FANCA: variants seen among roughly 807,000 people sequenced by gnomAD.
FANCA encodes the protein FA complementation group A.
Under a neutral mutation model 194.3 loss-of-function variants are expected in FANCA, and 236 were observed. The ratio of observed to expected loss-of-function variants is 1.21; its 90% CI spans 1.09 to 1.35. FANCA has a LOEUF of 1.35. Ranked by LOEUF, FANCA falls within the 40% of genes most tolerant of loss-of-function variation. FANCA has a pLI of 0.00. For missense variants in FANCA, 2,628 were observed against 1,813.9 expected (o/e 1.45, Z -8.15); for synonymous variants, 1,014 against 715.8 (o/e 1.42, Z -6.65).
intron 19 of FANCA, 21 bp downstream of exon 19, chr16:89,778,922 C>G (rs761388525): frequency 6.2e-7 from 1 of 1,614,112 alleles, no homozygotes; most frequent in South Asian, 1.1e-5. Context: ...TGGTCACAAA[C>G]TCATGGAGAC....
intron 21 of FANCA, among the ~76,000 whole-genome samples, chr16:89,774,270 A>G (rs915327466): frequency 6.6e-6 from 1 of 152,164 alleles, no homozygotes; most frequent in Admixed American, 6.6e-5. Flanking sequence ...ACAAATGATT[A>G]GAAACCATTC....
chr16:89,742,208 A>G (rs1420719128), intron 37 of FANCA, among the ~76,000 whole-genome samples: 1 of 151,990 alleles, frequency 6.6e-6, no homozygotes, highest in Non-Finnish European at 1.5e-5. Context: ...AACTCCTGAC[A>G]CCAAGTGATC....
At chr16:89,787,549 A>T (rs184497125) in intron 14 of FANCA, among the ~76,000 whole-genome samples, 1 of 152,064 alleles carries the variant, frequency 6.6e-6, no homozygotes, top group Non-Finnish European at 1.5e-5. Flanking sequence ...CCAGGGCAAC[A>T]TAGTGAGACA....
chr16:89,799,484 G>A, intron 9 of FANCA, 121 bp downstream of exon 9: 1 of 1,069,562 alleles, frequency 9.3e-7, no homozygotes, highest in South Asian at 1.3e-5. Flanking sequence ...CCAGTACCAG[G>A]ACTCTGCACA....
chr16:89,792,177 C>T, intron 12 of FANCA, 109 bp from the exon 13 acceptor site: 2 of 1,294,812 alleles, frequency 1.5e-6, no homozygotes, highest in Admixed American at 3.4e-5. Context: ...TCACTTCCCA[C>T]TGCAAAGGTA....
At chr16:89,808,745 G>A (rs916243294) in intron 5 of FANCA, among the ~76,000 whole-genome samples, 1 of 152,138 alleles carries the variant, frequency 6.6e-6, no homozygotes, top group Admixed American at 6.6e-5. Context: ...CAGGACAAAG[G>A]TCAGGCTTCA....
chr16:89,803,663 G>C (rs1018905389), intron 7 of FANCA, among the ~76,000 whole-genome samples: 1 of 145,760 alleles, frequency 6.9e-6, no homozygotes, highest in African/African-American at 2.6e-5. Context: ...TTGCTCTGTC[G>C]CCTGGGCTTG....
chr16:89,783,299 C>T (rs540724057), intron 15 of FANCA, among the ~76,000 whole-genome samples, 197 bp from the exon 16 acceptor site: 122 of 152,200 alleles, frequency 8.0e-4, no homozygotes, highest in African/African-American at 2.9e-3. Context: ...ACCTGTAATC[C>T]CAGCACTTTG....
intron 23 of FANCA, 81 bp downstream of exon 23, chr16:89,771,597 A>C (rs964883003): frequency 6.6e-7 from 1 of 1,514,336 alleles, no homozygotes. Context: ...AGAAATTGAG[A>C]GAAGGCTCCA....
intron 22 of FANCA, among the ~76,000 whole-genome samples, chr16:89,772,746 G>A (rs542919668): frequency 1.4e-5 from 2 of 147,774 alleles, no homozygotes; most frequent in East Asian, 4.1e-4. Flanking sequence ...TTGAACCCAG[G>A]AGGCGGAGGT....
chr16:89,772,851 C>G (rs1018630845), intron 22 of FANCA, among the ~76,000 whole-genome samples: 4 of 151,804 alleles, frequency 2.6e-5, no homozygotes, highest in Admixed American at 2.0e-4. Flanking sequence ...ACTGCATGTT[C>G]TCAATCCACA....
intron 37 of FANCA, among the ~76,000 whole-genome samples, chr16:89,742,004 C>G (rs34645134): frequency 0.016 from 2,392 of 151,696 alleles, 40 homozygotes; most frequent in South Asian, 0.093. Flanking sequence ...CTCGCTCTGT[C>G]ACCCAGACTG....
At chr16:89,755,872 C>T (rs1265702546) in intron 30 of FANCA, among the ~76,000 whole-genome samples, 2 of 149,264 alleles carry the variant, frequency 1.3e-5, no homozygotes, top group African/African-American at 2.5e-5. Context: ...ACCGCACAGA[C>T]ACAGACCGGA....
intron 10 of FANCA, 159 bp downstream of exon 10, chr16:89,799,007 A>T: frequency 1.2e-6 from 2 of 1,614,094 alleles, no homozygotes. Context: ...GGGCTTTCCC[A>T]TGGTCGCCTC....
chr16:89,785,559 G>A (rs1480971459), intron 14 of FANCA, among the ~76,000 whole-genome samples: 1 of 152,222 alleles, frequency 6.6e-6, no homozygotes, highest in Admixed American at 6.6e-5. Flanking sequence ...AACCCTCCCA[G>A]GAACGAAGGG....
At chr16:89,811,182 G>A (rs1051078259) in intron 3 of FANCA, 111 bp from the exon 4 acceptor site, 1 of 1,428,082 alleles carries the variant, frequency 7.0e-7, no homozygotes, top group Non-Finnish European at 9.7e-7. Context: ...AAAAAAAATT[G>A]CCTTTTAAAC....
chr16:89,744,269 C>CTA (rs2143078699), intron 36 of FANCA, among the ~76,000 whole-genome samples: 1 of 152,296 alleles, frequency 6.6e-6, no homozygotes, highest in Non-Finnish European at 1.5e-5. Context: ...TGATTCAAAA[C>CTA]TAGTCACAAA....
At chr16:89,767,272 C>T in intron 26 of FANCA, 35 bp from the exon 27 acceptor site, 7 of 1,443,560 alleles carry the variant, frequency 4.8e-6, no homozygotes, top group Non-Finnish European at 4.9e-6. Flanking sequence ...AAATGTAATC[C>T]ATACAAAATA....
Position 89,749,787 on chromosome 16 carries a change from C to T in FANCA, c.3182G>A (p.Ser1061Asn), listed in dbSNP as rs2038517841. Residue 1061 changes from serine (S) to asparagine (N), a missense_variant, in exon 32 of 43, where the codon AGC becomes AAC. Transcript: ENST00000389301. ...AAGGCTGGCAGCCACGCTCCACCCG[C>T]TTGTCAGAGCCTGGAGCCGTCTGCG... The part of the protein sequence containing the change: ...IFRRRLQALT[S>N]GWSVAASLQR... 6.2e-7 allele frequency: 1 copy of T among 1,614,250 alleles called. No homozygotes were observed. The highest frequency in any genetic ancestry group is 8.5e-7 in the Non-Finnish European group (1 of 1,180,036).
Sources: allele counts gnomAD v4.1 joint callset (sites outside exome capture counted in the v4.1 genomes callset), GRCh38; gene constraint gnomAD v4.1.1; transcripts MANE v1.5; gene names NCBI Gene and HGNC (gene_info 2026-07-23, HGNC 2026-07-21).